Variants in DOCK3 observed in about 807,000 individuals in gnomAD.
DOCK3 encodes dedicator of cytokinesis protein 3.
A neutral mutation model predicts 265.6 loss-of-function variants in DOCK3; 60 were observed. The observed-to-expected ratio is 0.23, with a 90% CI of 0.18 to 0.28. The LOEUF is 0.28. Ranked by LOEUF, DOCK3 falls within the 10% of genes least tolerant of loss-of-function variation. DOCK3 has a pLI of 1.00. For synonymous variants in DOCK3, 881 were observed against 938.0 expected (o/e 0.94, Z 1.11); for missense variants, 1,981 against 2,594.3 (o/e 0.76, Z 5.14).
intron 2 of DOCK3, among the ~76,000 whole-genome samples, chr3:50,805,138 C>T (rs972823769): frequency 6.6e-6 from 1 of 152,120 alleles, no homozygotes; most frequent in Non-Finnish European, 1.5e-5. Context: ...AAAGTCGCCT[C>T]TTCCAATTTT....
In DOCK3 at chr3:50,693,235, A is replaced by G. The variant is rs190349873; in HGVS notation, c.37+17935A>G. On this transcript the variant is annotated intron_variant, in intron 1 of 52. Coordinates refer to ENST00000266037, the MANE Select transcript of DOCK3 (RefSeq NM_004947.5). ...GCCCTTGAGATTCCATATGAATTTC[A>G]GGATGAATTTTTAAATATTTCTGCA... is the stretch of plus-strand genomic sequence containing the variant. Among the ~76,000 whole-genome samples, 584 of 152,306 alleles carry G rather than the reference A, an allele frequency of 3.8e-3. 1 individual carries two copies. The highest frequency in any genetic ancestry group is 6.5e-3 in the Admixed American group (100 of 15,292).
chr3:51,150,038 G>A (rs1474266037), intron 10 of DOCK3, among the ~76,000 whole-genome samples: 4 of 152,164 alleles, frequency 2.6e-5, no homozygotes, highest in East Asian at 3.9e-4. Context: ...GTCTATTCAG[G>A]GATTCAACTT....
At chr3:51,211,967 C>G (rs1275627680) in intron 13 of DOCK3, among the ~76,000 whole-genome samples, 1 of 152,198 alleles carries the variant, frequency 6.6e-6, no homozygotes, top group Non-Finnish European at 1.5e-5. Context: ...GTGTTGCATA[C>G]TGGGTGAGCG....
At chr3:51,242,435 CAG>C (rs1456754555) in intron 21 of DOCK3, among the ~76,000 whole-genome samples, 1 of 152,160 alleles carries the variant, frequency 6.6e-6, no homozygotes, top group African/African-American at 2.4e-5. Flanking sequence ...GCAGCTGTGG[CAG>C]AGTCACCTGT....
chr3:51,168,599 G>A (rs1052189559), intron 12 of DOCK3, among the ~76,000 whole-genome samples: 6 of 152,170 alleles, frequency 3.9e-5, no homozygotes, highest in African/African-American at 1.4e-4. Flanking sequence ...ACTCAAGATG[G>A]ATTAAAGACT....
chr3:51,249,277 G>A (rs2079037510), intron 22 of DOCK3, among the ~76,000 whole-genome samples: 1 of 142,200 alleles, frequency 7.0e-6, no homozygotes, highest in Non-Finnish European at 1.6e-5. Context: ...CCCCTACTGG[G>A]AAGTGAGGAG....
chr3:51,289,870 C>T (rs532219160), intron 27 of DOCK3, among the ~76,000 whole-genome samples: 56 of 152,224 alleles, frequency 3.7e-4, no homozygotes, highest in Admixed American at 1.4e-3. Flanking sequence ...AAAAAGTGGG[C>T]GAAGGATATG....
At chr3:50,762,001 C>G (rs1332728304) in intron 1 of DOCK3, among the ~76,000 whole-genome samples, 1 of 152,024 alleles carries the variant, frequency 6.6e-6, no homozygotes, top group Non-Finnish European at 1.5e-5. Context: ...CAAACTATCG[C>G]AAGGACAGAA....
intron 9 of DOCK3, among the ~76,000 whole-genome samples, chr3:51,112,292 G>A (rs2083554219): frequency 6.6e-6 from 1 of 151,596 alleles, no homozygotes; most frequent in African/African-American, 2.4e-5. Flanking sequence ...AAATTTTTTG[G>A]AAAAAAGAAT....
intron 19 of DOCK3, among the ~76,000 whole-genome samples, chr3:51,231,463 G>A (rs2108422589): frequency 6.6e-6 from 1 of 152,230 alleles, no homozygotes. Flanking sequence ...TGACTGTTGT[G>A]AGATAGTATC....
intron 9 of DOCK3, among the ~76,000 whole-genome samples, chr3:51,093,926 CAT>C (rs557175520): frequency 8.5e-5 from 13 of 152,280 alleles, no homozygotes; most frequent in South Asian, 2.1e-4. Context: ...TTGAGATAAA[CAT>C]GTGGTTTTTG....
chr3:51,381,169 T>C lies in DOCK3; in HGVS notation c.5703T>C (p.Phe1901=). ...SGVSSLSESN[F]GHSSEAPPRT... The stretch of plus-strand genomic sequence containing the variant: ...TGTCCTCCTTGAGTGAGAGTAACTT[T>C]GGGCACTCCTCGGAGGCCCCACCTC... Residue 1901 remains phenylalanine, a synonymous_variant, in exon 53 of 53, where the codon TTT becomes TTC. Coordinates refer to ENST00000266037, the MANE Select transcript of DOCK3 (RefSeq NM_004947.5). The surrounding 1 kb of genome is among the most constrained non-coding windows in gnomAD (Gnocchi z 5.6). The C allele has an allele frequency of 1.2e-6, 2 of 1,613,884 alleles. No homozygotes were observed. Among genetic ancestry groups the C allele is most frequent in the South Asian group, 1.1e-5 (1 of 91,086 alleles).
chr3:51,273,860 C>T (rs1273857058), intron 24 of DOCK3, among the ~76,000 whole-genome samples: 1 of 152,202 alleles, frequency 6.6e-6, no homozygotes, highest in Non-Finnish European at 1.5e-5. Context: ...TGCAGAGTCA[C>T]ACAATCACTG....
chr3:51,302,609 G>T (rs2082416915), intron 27 of DOCK3, among the ~76,000 whole-genome samples: 1 of 152,044 alleles, frequency 6.6e-6, no homozygotes, highest in Admixed American at 6.6e-5. Flanking sequence ...TGCAAGGCAG[G>T]CCTGGTGGTG....
At chr3:51,039,664 G>A (rs576743928) in intron 5 of DOCK3, among the ~76,000 whole-genome samples, 1 of 151,718 alleles carries the variant, frequency 6.6e-6, no homozygotes, top group Non-Finnish European at 1.5e-5. Context: ...TTTCTTTTGG[G>A]TTTGTTTTTT....
At chr3:50,691,994 A>T (rs2035280153) in intron 1 of DOCK3, among the ~76,000 whole-genome samples, 1 of 148,954 alleles carries the variant, frequency 6.7e-6, no homozygotes, top group Admixed American at 6.8e-5. Context: ...AGCTCACTGC[A>T]GTTTCAAACT....
At chr3:51,237,004 T>G (rs745846046) in intron 20 of DOCK3, among the ~76,000 whole-genome samples, 13 of 151,896 alleles carry the variant, frequency 8.6e-5, no homozygotes, top group Non-Finnish European at 1.6e-4. Context: ...GAGGTGAGAG[T>G]TGCAATGAGT....
chr3:51,290,290 G>A (rs1177111699), intron 27 of DOCK3, among the ~76,000 whole-genome samples: 1 of 152,202 alleles, frequency 6.6e-6, no homozygotes, highest in Admixed American at 6.5e-5. Flanking sequence ...CAACGCAGAT[G>A]TCCAACAATG....
chr3:51,278,415 C>T (rs1222389194), intron 26 of DOCK3: 14 of 985,196 alleles, frequency 1.4e-5, no homozygotes, highest in Non-Finnish European at 1.7e-5. Flanking sequence ...AAACAGTTTT[C>T]GTGGAATCTT....
Sources: allele counts gnomAD v4.1 joint callset (sites outside exome capture counted in the v4.1 genomes callset), GRCh38; gene constraint gnomAD v4.1.1; non-coding constraint Gnocchi (gnomAD v3.1); transcripts MANE v1.5; gene names NCBI Gene and HGNC (gene_info 2026-07-23, HGNC 2026-07-21).